Variants in RPS6KA3 observed in about 807,000 individuals in gnomAD.
RPS6KA3 encodes ribosomal protein S6 kinase alpha-3.
A neutral mutation model predicts 67.2 loss-of-function variants in RPS6KA3; 4 were observed. The ratio of observed to expected loss-of-function variants is 0.06; its 90% CI spans 0.03 to 0.14. The LOEUF is 0.14. Ranked by LOEUF, RPS6KA3 falls within the 10% of genes least tolerant of loss-of-function variation. The pLI is 1.00. For missense variants in RPS6KA3, 204 were observed against 559.0 expected (o/e 0.36, Z 6.40); for synonymous variants, 182 against 183.7 (o/e 0.99, Z 0.07).
intron 1 of RPS6KA3, among the ~76,000 whole-genome samples, chrX:20,262,906 C>T (rs1262306580): frequency 9.0e-6 from 1 of 110,950 alleles, no homozygotes; most frequent in Non-Finnish European, 1.9e-5. Context: ...CTATAGAATA[C>T]TACATAATCT....
At chrX:20,241,294 C>T (rs1218817661) in intron 1 of RPS6KA3, among the ~76,000 whole-genome samples, 1 of 108,428 alleles carries the variant, frequency 9.2e-6, no homozygotes, top group Non-Finnish European at 1.9e-5. Context: ...GCTTATGAAA[C>T]AAGAGTATGT....
rs2067131638 is a variant in RPS6KA3 at position 20,153,159 on chromosome X, A to G, written c.*2239T>C. The G allele has an allele frequency of 8.9e-6, 1 of 112,058 alleles. No individual in the cohort carries two copies. Among genetic ancestry groups the G allele is most frequent in the East Asian group, 2.8e-4 (1 of 3,602 alleles). The allele number at this position is 112,058 out of a possible 1,213,427, so 9.2% of individuals were successfully genotyped here. The stretch of plus-strand genomic sequence containing the variant: ...TGAAAATATATCTATTTCTGCTCAG[A>G]ATGACATTAACATTTTAAAAGTGAC... On this transcript the variant is annotated 3_prime_UTR_variant, in exon 22 of 22. Coordinates refer to ENST00000379565, the MANE Select transcript of RPS6KA3 (RefSeq NM_004586.3).
intron 1 of RPS6KA3, among the ~76,000 whole-genome samples, chrX:20,249,911 A>G (rs1043279498): frequency 3.6e-5 from 4 of 112,391 alleles, no homozygotes; most frequent in African/African-American, 1.3e-4. Flanking sequence ...TCCATGATCC[A>G]TTTTAAATTA....
intron 2 of RPS6KA3, 119 bp downstream of exon 2, chrX:20,234,639 G>C (rs1246336579): frequency 1.8e-6 from 1 of 543,509 alleles, no homozygotes; most frequent in African/African-American, 2.3e-5. Flanking sequence ...TAAAGTTAAT[G>C]TGAAAGGATC....
intron 1 of RPS6KA3, among the ~76,000 whole-genome samples, chrX:20,246,039 A>G (rs2069677186): frequency 1.9e-5 from 2 of 107,215 alleles, no homozygotes; most frequent in Admixed American, 2.0e-4. Flanking sequence ...AATCACTTTA[A>G]CCTGGGAGGC....
intron 14 of RPS6KA3, 133 bp downstream of exon 14, chrX:20,175,031 G>T: frequency 3.0e-6 from 2 of 656,030 alleles, no homozygotes; most frequent in Non-Finnish European, 4.8e-6. Flanking sequence ...TGGGATTACG[G>T]GTGTGAGCCA....
intron 19 of RPS6KA3, among the ~76,000 whole-genome samples, chrX:20,162,392 G>GA (rs760897270): frequency 5.5e-5 from 6 of 109,183 alleles, no homozygotes; most frequent in Non-Finnish European, 9.5e-5. Context: ...AAAAAGTATG[G>GA]AAAAAATCAA....
At chrX:20,211,112 G>C (rs1314995837) in intron 2 of RPS6KA3, among the ~76,000 whole-genome samples, 2 of 111,033 alleles carry the variant, frequency 1.8e-5, no homozygotes, top group African/African-American at 6.5e-5. Flanking sequence ...CCTGTGTTAG[G>C]TGTTTTTTCA....
rs1266134591 is a variant in RPS6KA3, at chrX:20,150,509, C to CT, written c.*4888dup. The CT allele has an allele frequency of 1.8e-5, 2 of 112,603 alleles. No homozygotes were observed. The highest frequency in any genetic ancestry group is 3.8e-5 in the Non-Finnish European group (2 of 53,164). 9.3% of individuals were successfully genotyped at this position (112,603 alleles called of 1,213,427 possible). The stretch of plus-strand genomic sequence containing the variant: ...GCTAAGGAATGGCAATACCTTGAAG[C>CT]TTTTTTTAAAATTAAAAACCAAAGC... On this transcript the variant is annotated 3_prime_UTR_variant, in exon 22 of 22. Transcript: ENST00000379565.
chrX:20,241,602 G>C (rs898948173), intron 1 of RPS6KA3: 3 of 108,085 alleles, frequency 2.8e-5, no homozygotes, highest in Non-Finnish European at 5.8e-5. Flanking sequence ...CCTGAGACTG[G>C]AGACTGAGAA....
At chrX:20,230,362 A>G (rs2069228883) in intron 2 of RPS6KA3, among the ~76,000 whole-genome samples, 1 of 111,890 alleles carries the variant, frequency 8.9e-6, no homozygotes, top group African/African-American at 3.3e-5. Flanking sequence ...CAAAAAGGAA[A>G]AACACTTAAC....
intron 4 of RPS6KA3, among the ~76,000 whole-genome samples, chrX:20,197,083 G>A (rs932918249): frequency 8.9e-6 from 1 of 112,308 alleles, no homozygotes; most frequent in African/African-American, 3.2e-5. Context: ...CAGGTGATCC[G>A]CCTGCCTTGG....
At chrX:20,211,596 C>T (rs1430152465) in intron 2 of RPS6KA3, among the ~76,000 whole-genome samples, 3 of 107,977 alleles carry the variant, frequency 2.8e-5, no homozygotes, top group African/African-American at 1.0e-4. Flanking sequence ...CAAAACAAAA[C>T]CTACACACAC....
rs770844828 is a variant in RPS6KA3, at chrX:20,152,123, A to G, written c.*3275T>C. The stretch of plus-strand genomic sequence containing the variant: ...GCTTCTCTCCAGACAATCATAACTG[A>G]CTTTTCACACACACAAGCTTCATAG... On this transcript the variant is annotated 3_prime_UTR_variant, in exon 22 of 22. Coordinates refer to ENST00000379565, the MANE Select transcript of RPS6KA3 (RefSeq NM_004586.3). 1 of 112,184 alleles carries G rather than the reference A, an allele frequency of 8.9e-6. No individual in the cohort carries two copies. The highest frequency in any genetic ancestry group is 3.2e-5 in the African/African-American group (1 of 30,821). The allele number at this position is 112,184 out of a possible 1,213,427, so 9.2% of individuals were successfully genotyped here. A position where few individuals can be genotyped will look rare whatever the true frequency, so the allele number is the denominator to read the frequency against.
intron 1 of RPS6KA3, among the ~76,000 whole-genome samples, chrX:20,252,030 T>C (rs758549894): frequency 3.6e-5 from 4 of 112,439 alleles, no homozygotes; most frequent in African/African-American, 9.7e-5. Context: ...TTTTTCTCTA[T>C]TGTTCATTTC....
chrX:20,192,592 CTTTTTTTTTT>C (rs1159974637), intron 7 of RPS6KA3, among the ~76,000 whole-genome samples: 4 of 45,415 alleles, frequency 8.8e-5, no homozygotes, highest in Non-Finnish European at 1.4e-4. Flanking sequence ...TGTAAATTTT[CTTTTTTTTTT>C]TTTTTTTTTT....
chrX:20,248,733 C>G (rs2069775344), intron 1 of RPS6KA3, among the ~76,000 whole-genome samples: 1 of 112,064 alleles, frequency 8.9e-6, no homozygotes, highest in African/African-American at 3.3e-5. Flanking sequence ...AAAAATAATA[C>G]AGAGAGGTCC....
chrX:20,188,278 G>A (rs1184937771), intron 8 of RPS6KA3, among the ~76,000 whole-genome samples: 1 of 110,834 alleles, frequency 9.0e-6, no homozygotes, highest in Non-Finnish European at 1.9e-5. Context: ...GTTTCACCAT[G>A]TTAGCCAGGC....
intron 1 of RPS6KA3, among the ~76,000 whole-genome samples, chrX:20,253,772 TTAC>T (rs2069953703): frequency 8.9e-6 from 1 of 111,771 alleles, no homozygotes; most frequent in African/African-American, 3.3e-5. Flanking sequence ...ATATTATTCT[TTAC>T]TAATTTACCT....
Sources: allele counts gnomAD v4.1 joint callset (sites outside exome capture counted in the v4.1 genomes callset), GRCh38; gene constraint gnomAD v4.1.1; transcripts MANE v1.5; gene names NCBI Gene and HGNC (gene_info 2026-07-23, HGNC 2026-07-21).